The following NALF1 variants were observed in gnomAD, a reference collection of about 807,000 sequenced individuals.
The protein encoded by NALF1 is family with sequence similarity 155 member A.
In NALF1, 3 loss-of-function variants were observed where a neutral mutation model predicts 48.4. That is an observed-to-expected ratio of 0.06 (90% CI 0.03 to 0.16). The LOEUF is 0.16. Among genes scored for constraint, NALF1 ranks in the 10% least tolerant of loss-of-function variants. The pLI is 1.00. For synonymous variants in NALF1, 262 were observed against 245.7 expected (o/e 1.07, Z -0.62); for missense variants, 526 against 571.5 (o/e 0.92, Z 0.81).
chr13:107,687,424 T>A (rs1017997905), intron 1 of NALF1, among the ~76,000 whole-genome samples: 2 of 149,718 alleles, frequency 1.3e-5, no homozygotes, highest in South Asian at 2.1e-4. Context: ...AATATGCCCA[T>A]GTAGCAAACC....
intron 1 of NALF1, among the ~76,000 whole-genome samples, chr13:107,635,051 T>C (rs994596990): frequency 6.6e-6 from 1 of 152,130 alleles, no homozygotes; most frequent in African/African-American, 2.4e-5. Flanking sequence ...ACACAAGCAA[T>C]AATTAATATG....
intron 1 of NALF1, among the ~76,000 whole-genome samples, chr13:107,634,097 T>C (rs1299047008): frequency 6.6e-6 from 1 of 152,016 alleles, no homozygotes; most frequent in Non-Finnish European, 1.5e-5. Context: ...TGAAATTGTG[T>C]AGAATTACCA....
At chr13:107,650,757 T>C (rs1033857381) in intron 1 of NALF1, among the ~76,000 whole-genome samples, 1 of 152,066 alleles carries the variant, frequency 6.6e-6, no homozygotes, top group Admixed American at 6.6e-5. Flanking sequence ...AAGAAAGAGA[T>C]CATGTCTTTT....
intron 1 of NALF1, among the ~76,000 whole-genome samples, chr13:107,765,038 C>T (rs1877384006): frequency 6.6e-6 from 1 of 152,118 alleles, no homozygotes; most frequent in Non-Finnish European, 1.5e-5. Flanking sequence ...AAAACAAGAG[C>T]TGCTCCTCAC....
At chr13:107,643,406 T>C (rs1016921209) in intron 1 of NALF1, among the ~76,000 whole-genome samples, 1 of 152,032 alleles carries the variant, frequency 6.6e-6, no homozygotes, top group African/African-American at 2.4e-5. Context: ...CATTCAAAAC[T>C]GGAATATGAC....
Position 107,362,636 on chromosome 13 carries a change from T to G in NALF1, c.916-151881A>C, listed in dbSNP as rs574270881. ...CATCTGTGAAGGCCTTATTTCCAAA[T>G]AAGGTCACATTAACAGATTCTGGGA... is the stretch of plus-strand genomic sequence containing the variant. On this transcript the variant is annotated intron_variant, in intron 1 of 2. Transcript: ENST00000375915. This position sits in a 1 kb window ranked among gnomAD's most constrained non-coding sequence, Gnocchi z 4.6. 6.6e-6 allele frequency among the ~76,000 whole-genome samples: 1 copy of G among 152,218 alleles called. No homozygotes were observed. Among genetic ancestry groups the G allele is most frequent in the East Asian group, 1.9e-4 (1 of 5,152 alleles).
chr13:107,673,834 A>G (rs1881050125), intron 1 of NALF1, among the ~76,000 whole-genome samples: 1 of 152,164 alleles, frequency 6.6e-6, no homozygotes, highest in Admixed American at 6.5e-5. Context: ...AATAATAGTA[A>G]TAATGAAGAA....
chr13:107,419,167 GTTCT>G (rs1884142500), intron 1 of NALF1, among the ~76,000 whole-genome samples: 1 of 152,166 alleles, frequency 6.6e-6, no homozygotes, highest in African/African-American at 2.4e-5. Flanking sequence ...GGAATCTACA[GTTCT>G]TTCTAATTTT....
At chr13:107,412,821 C>T (rs1368338051) in intron 1 of NALF1, among the ~76,000 whole-genome samples, 4 of 152,100 alleles carry the variant, frequency 2.6e-5, no homozygotes, top group African/African-American at 7.2e-5. Context: ...AGACACTTGG[C>T]GTAATAAAGT....
chr13:107,429,199 G>C (rs1313994131), intron 1 of NALF1, among the ~76,000 whole-genome samples: 2 of 151,908 alleles, frequency 1.3e-5, no homozygotes, highest in African/African-American at 2.4e-5. Flanking sequence ...GTGCAAGTCT[G>C]TAATCCCAGC....
At chr13:107,631,938 G>C (rs1432387866) in intron 1 of NALF1, among the ~76,000 whole-genome samples, 1 of 151,868 alleles carries the variant, frequency 6.6e-6, no homozygotes, top group African/African-American at 2.4e-5. Flanking sequence ...CCCCTTCAAA[G>C]ACTTAAAAAA....
intron 1 of NALF1, among the ~76,000 whole-genome samples, chr13:107,835,968 G>A (rs920815508): frequency 2.0e-5 from 3 of 152,044 alleles, no homozygotes; most frequent in African/African-American, 2.4e-5. Flanking sequence ...GCACAGAGCC[G>A]GTCTGCTTTT....
intron 1 of NALF1, among the ~76,000 whole-genome samples, chr13:107,381,635 G>A (rs1322524235): frequency 6.6e-6 from 1 of 152,022 alleles, no homozygotes; most frequent in Non-Finnish European, 1.5e-5. Context: ...ATAGACGTTG[G>A]GGACTCCTGA....
chr13:107,658,452 A>C (rs1270141559), intron 1 of NALF1, among the ~76,000 whole-genome samples: 1 of 151,996 alleles, frequency 6.6e-6, no homozygotes, highest in African/African-American at 2.4e-5. Flanking sequence ...TTTCGTATCA[A>C]TTATCAACAC....
At chr13:107,718,721 T>C (rs1267001996) in intron 1 of NALF1, among the ~76,000 whole-genome samples, 1 of 152,180 alleles carries the variant, frequency 6.6e-6, no homozygotes, top group Non-Finnish European at 1.5e-5. Flanking sequence ...CAACAAATAC[T>C]TATTTCACCC....
intron 1 of NALF1, among the ~76,000 whole-genome samples, chr13:107,358,766 C>A (rs928098082): frequency 6.6e-6 from 1 of 152,128 alleles, no homozygotes; most frequent in Non-Finnish European, 1.5e-5. Flanking sequence ...AAATCCATCA[C>A]AATATGCACG....
intron 1 of NALF1, among the ~76,000 whole-genome samples, chr13:107,581,957 G>A (rs9555377): frequency 0.24 from 36,932 of 151,922 alleles, 5,157 homozygotes; most frequent in East Asian, 0.38. Context: ...AGATGCCTTT[G>A]GACATTTACT....
At chr13:107,582,325 C>A (rs900544814) in intron 1 of NALF1, among the ~76,000 whole-genome samples, 1 of 152,134 alleles carries the variant, frequency 6.6e-6, no homozygotes, top group Admixed American at 6.6e-5. Context: ...CACACAAATA[C>A]CACAGAGGGT....
chr13:107,768,675 C>T (rs1330579212), intron 1 of NALF1, among the ~76,000 whole-genome samples: 1 of 152,030 alleles, frequency 6.6e-6, no homozygotes, highest in South Asian at 2.1e-4. Context: ...AGTAATACTA[C>T]CAATAACATT....
Sources: gnomAD v4.1 joint callset for allele counts (sites outside exome capture counted in the v4.1 genomes callset) on GRCh38, gnomAD v4.1.1 for gene constraint, Gnocchi (gnomAD v3.1) non-coding constraint, MANE v1.5 for transcripts, NCBI Gene and HGNC (gene_info 2026-07-23, HGNC 2026-07-21) for gene names.